Variants in PKNOX2 observed in about 807,000 individuals in gnomAD.
The protein encoded by PKNOX2 is homeobox protein PKNOX2.
PKNOX2 carries 14 observed loss-of-function variants against 53.1 expected under a neutral mutation model. The ratio of observed to expected loss-of-function variants is 0.26; its 90% CI spans 0.17 to 0.41. The LOEUF (loss-of-function observed/expected upper bound fraction) is 0.41, where lower values mean the gene tolerates loss of function less well. Ranked by LOEUF, PKNOX2 falls within the 10% of genes least tolerant of loss-of-function variation. The pLI is 1.00. For missense variants in PKNOX2, 496 were observed against 602.8 expected, an observed-to-expected ratio of 0.82 and a Z score of 1.85; for synonymous variants, 257 against 242.8, an observed-to-expected ratio of 1.06 and a Z score of -0.54.
intron 1 of PKNOX2, among the ~76,000 whole-genome samples, chr11:125,227,939 C>T (rs1431620792): frequency 6.6e-6 from 1 of 152,160 alleles, no homozygotes; most frequent in African/African-American, 2.4e-5. Context: ...TTCTACCAGC[C>T]TTGAAAGGCT....
intron 1 of PKNOX2, among the ~76,000 whole-genome samples, chr11:125,185,910 A>G (rs975611374): frequency 9.2e-5 from 14 of 152,168 alleles, no homozygotes; most frequent in African/African-American, 3.1e-4. Flanking sequence ...GCTGGGTCAT[A>G]TTCTAGGTAA....
intron 3 of PKNOX2, among the ~76,000 whole-genome samples, chr11:125,346,017 C>T (rs1232486824): frequency 6.6e-6 from 1 of 152,112 alleles, no homozygotes; most frequent in Admixed American, 6.5e-5. Context: ...AGACGGATTG[C>T]GCCAGGGTTG....
At chr11:125,222,605 CTGTGTGTA>C (rs1171062527) in intron 1 of PKNOX2, among the ~76,000 whole-genome samples, 3 of 140,766 alleles carry the variant, frequency 2.1e-5, no homozygotes, top group South Asian at 2.3e-4. Context: ...GTGTGTGTGT[CTGTGTGTA>C]TGTGTGTGTA....
intron 6 of PKNOX2, among the ~76,000 whole-genome samples, chr11:125,395,574 C>A (rs769965387): frequency 2.6e-5 from 4 of 152,112 alleles, no homozygotes; most frequent in Non-Finnish European, 5.9e-5. Context: ...AGTTCCTCAC[C>A]AGCATTTGGT....
At chr11:125,341,570 A>G (rs1950688879) in intron 3 of PKNOX2, among the ~76,000 whole-genome samples, 2 of 152,200 alleles carry the variant, frequency 1.3e-5, no homozygotes, top group African/African-American at 4.8e-5. Flanking sequence ...CATGCGGGTG[A>G]GGAGCAGATT....
At chr11:125,289,059 C>T (rs1233136066) in intron 2 of PKNOX2, among the ~76,000 whole-genome samples, 1 of 152,226 alleles carries the variant, frequency 6.6e-6, no homozygotes, top group African/African-American at 2.4e-5. Flanking sequence ...GTGCCTTTTA[C>T]CATTTCATTG....
chr11:125,318,583 C>A (rs1345759951), intron 2 of PKNOX2, among the ~76,000 whole-genome samples: 2 of 152,192 alleles, frequency 1.3e-5, no homozygotes, highest in Non-Finnish European at 2.9e-5. Flanking sequence ...ATAAGACTGT[C>A]TCACTCACTT....
intron 4 of PKNOX2, among the ~76,000 whole-genome samples, chr11:125,366,621 G>C (rs113866239): frequency 0.013 from 2,006 of 152,268 alleles, 43 homozygotes; most frequent in African/African-American, 0.044. Flanking sequence ...GGGCTGTATG[G>C]TACTCCAAAG....
At chr11:125,382,181 A>G (rs1215465536) in intron 5 of PKNOX2, among the ~76,000 whole-genome samples, 4 of 152,236 alleles carry the variant, frequency 2.6e-5, no homozygotes, top group Non-Finnish European at 4.4e-5. Context: ...CACCCCAGTT[A>G]CATACACTAC....
chr11:125,312,462 T>C (rs1055468683), intron 2 of PKNOX2, among the ~76,000 whole-genome samples: 2 of 152,216 alleles, frequency 1.3e-5, no homozygotes, highest in African/African-American at 4.8e-5. Flanking sequence ...CACCAGGTTC[T>C]GTGGGAAGTC....
intron 2 of PKNOX2, chr11:125,287,576 C>T (rs1946989406): frequency 6.6e-6 from 1 of 152,308 alleles, no homozygotes; most frequent in South Asian, 2.1e-4. Context: ...CACTCCCTCC[C>T]AGCTCCTTCC....
intron 1 of PKNOX2, among the ~76,000 whole-genome samples, chr11:125,219,235 A>G (rs1940873160): frequency 2.0e-5 from 3 of 152,006 alleles, no homozygotes; most frequent in Non-Finnish European, 4.4e-5. Flanking sequence ...GGAGTTCCAG[A>G]CCAGCCTGGC....
intron 2 of PKNOX2, among the ~76,000 whole-genome samples, chr11:125,269,375 T>C (rs999757219): frequency 2.0e-5 from 3 of 152,194 alleles, no homozygotes; most frequent in African/African-American, 7.2e-5. Context: ...TTATGCTTTC[T>C]CTCTGTGGCA....
At chr11:125,310,928 C>A (rs560338683) in intron 2 of PKNOX2, among the ~76,000 whole-genome samples, 93 of 152,116 alleles carry the variant, frequency 6.1e-4, no homozygotes, top group African/African-American at 2.2e-3. Flanking sequence ...ATATGTCTGC[C>A]CCGGGATATA....
chr11:125,400,867 A>G (rs1954702664), intron 7 of PKNOX2, among the ~76,000 whole-genome samples: 1 of 152,126 alleles, frequency 6.6e-6, no homozygotes, highest in African/African-American at 2.4e-5. Context: ...AGTATTTTAC[A>G]TGTTTGAAAT....
rs77519073 is a variant in PKNOX2 at position 125,277,251 on chromosome 11, A to G, written c.-130+42136A>G. The stretch of plus-strand genomic sequence containing the variant: ...ATGCCAATCACAGTGGGAAGAAAAA[A>G]CAATAATAATAAAGGCTCATTGAAG... On this transcript the variant is annotated intron_variant, in intron 2 of 12. Coordinates refer to ENST00000298282, the MANE Select transcript of PKNOX2 (RefSeq NM_001382323.2). Among the ~76,000 whole-genome samples, 6 of 152,306 alleles carry G rather than the reference A, an allele frequency of 3.9e-5. No individual in the cohort carries two copies. The East Asian group carries it at 7.7e-4, about 20-fold the overall frequency.
rs150605524 is a variant in PKNOX2 at position 125,369,783 on chromosome 11, G to A, written c.227+1798G>A. ...CCTGGGCAAGGTGCAGTGGGCTTGTGCTTTTGTGGGGAGCATAAGGAGGGA... is the reference window on the plus strand; with the variant it reads ...CCTGGGCAAGGTGCAGTGGGCTTGTACTTTTGTGGGGAGCATAAGGAGGGA... On this transcript the variant is annotated intron_variant, in intron 5 of 12. Coordinates refer to ENST00000298282, the MANE Select transcript of PKNOX2 (RefSeq NM_001382323.2). Among the ~76,000 whole-genome samples, 455 of 152,312 alleles carry A rather than the reference G, an allele frequency of 3.0e-3. 1 individual carries two copies. Among genetic ancestry groups the A allele is most frequent in the Non-Finnish European group, 4.6e-3 (314 of 68,040 alleles).
chr11:125,289,393 C>T (rs1420514461), intron 2 of PKNOX2, among the ~76,000 whole-genome samples: 1 of 152,202 alleles, frequency 6.6e-6, no homozygotes, highest in Non-Finnish European at 1.5e-5. Flanking sequence ...GTGTCTACTC[C>T]ACAAATCTTC....
chr11:125,429,909 C>G, intron 11 of PKNOX2, 54 bp from the exon 12 acceptor site: 2 of 1,563,424 alleles, frequency 1.3e-6, no homozygotes, highest in Non-Finnish European at 1.7e-6. Context: ...CCTGCCCCCA[C>G]CCCAAGGCCA....
Sources: gnomAD v4.1 joint callset for allele counts (sites outside exome capture counted in the v4.1 genomes callset) on GRCh38, gnomAD v4.1.1 for gene constraint, MANE v1.5 for transcripts, NCBI Gene and HGNC (gene_info 2026-07-23, HGNC 2026-07-21) for gene names.